PKD1L1: variants seen among roughly 807,000 people sequenced by gnomAD.
PKD1L1 encodes polycystin-1-like protein 1.
PKD1L1 carries 236 observed loss-of-function variants against 323.4 expected under a neutral mutation model. That is an observed-to-expected ratio of 0.73 (90% CI 0.66 to 0.81). The LOEUF is 0.81. PKD1L1 is among the 40% of genes least tolerant of loss of function. PKD1L1 has a pLI of 0.00. For missense variants in PKD1L1, 3,320 were observed against 3,508.0 expected, an observed-to-expected ratio of 0.95 and a Z score of 1.35; for synonymous variants, 1,344 against 1,335.0, an observed-to-expected ratio of 1.01 and a Z score of -0.15.
In PKD1L1 at chr7:47,818,829, T is replaced by C. The variant is rs78601269; in HGVS notation, c.6965+2247A>G. The stretch of plus-strand genomic sequence containing the variant: ...TATTTTTTGTTTTATTATTTTTTTT[T>C]GGAACTTCATGAAGTCTTTCATAAG... On this transcript the variant is annotated intron_variant, in intron 46 of 56. Transcript: ENST00000289672. Among the ~76,000 whole-genome samples, 497 of 152,364 alleles carry C rather than the reference T, an allele frequency of 3.3e-3. 3 individuals are homozygous for C. The highest frequency in any genetic ancestry group is 0.011 in the African/African-American group (459 of 41,584).
At chr7:47,777,267 A>G (rs1035706189) in intron 56 of PKD1L1, among the ~76,000 whole-genome samples, 4 of 152,262 alleles carry the variant, frequency 2.6e-5, no homozygotes, top group African/African-American at 9.6e-5. Context: ...TGATCAATTT[A>G]GGAATGAGTT....
rs1784521016 is a variant in PKD1L1, at chr7:47,796,096, A to C, written c.8248T>G (p.Ser2750Ala). The C allele has an allele frequency of 3.1e-6, 5 of 1,610,904 alleles. No individual in the cohort carries two copies. The change falls in exon 55 of 57, where the codon TCT becomes GCT. Residue 2750 changes from serine (S) to alanine (A), a missense_variant. Physicochemically the swap from Ser to Ala is moderately conservative, Grantham distance 99 (BLOSUM62 1). Coordinates refer to ENST00000289672, the MANE Select transcript of PKD1L1 (RefSeq NM_138295.5). ...GTGACATCTTTAAGTCTCACAAAAG[A>C]TTTACTTTGAAAAGATTTTCTTTTT... ...PQKRKSFQSK[S>A]FVRLKDVTAY...
intron 56 of PKD1L1, among the ~76,000 whole-genome samples, chr7:47,785,027 T>C (rs1366662957): frequency 6.6e-6 from 1 of 152,152 alleles, no homozygotes; most frequent in African/African-American, 2.4e-5. Context: ...GAGAAAGTCA[T>C]GAGAACTCAG....
At chr7:47,818,237 G>T in intron 46 of PKD1L1, 1 of 1,313,640 alleles carries the variant, frequency 7.6e-7, no homozygotes, top group Non-Finnish European at 1.0e-6. Flanking sequence ...CCAAAGGAAA[G>T]GAAGAATGAG....
At chr7:47,926,230 G>A (rs1787654625) in intron 7 of PKD1L1, among the ~76,000 whole-genome samples, 1 of 152,154 alleles carries the variant, frequency 6.6e-6, no homozygotes, top group Non-Finnish European at 1.5e-5. Flanking sequence ...AAAATCTTTG[G>A]TCTTCACCAC....
chr7:47,856,091 G>GCAGT lies in PKD1L1; in HGVS notation c.4591-830_4591-827dup, dbSNP rs1253907670. 2.6e-5 allele frequency among the ~76,000 whole-genome samples: 4 copies of GCAGT among 152,032 alleles called. No homozygotes were observed. In the South Asian group the frequency reaches 6.3e-4, roughly 24 times the overall value. On this transcript the variant is annotated intron_variant, in intron 28 of 56. Transcript: ENST00000289672. Reference sequence around the variant, plus strand: ...CTTGCTCTGTCGCCCAGGCTGGAGTGCAGTGGTGTGATCTCAGCTCACTGC... The same window carrying GCAGT: ...CTTGCTCTGTCGCCCAGGCTGGAGTGCAGTCAGTGGTGTGATCTCAGCTCACTGC...
chr7:47,849,604 T>C (rs1785737000), intron 31 of PKD1L1, among the ~76,000 whole-genome samples: 3 of 151,976 alleles, frequency 2.0e-5, no homozygotes, highest in Non-Finnish European at 4.4e-5. Context: ...CACTAAGTAA[T>C]AGGGAAATGC....
intron 20 of PKD1L1, 36 bp downstream of exon 20, chr7:47,881,873 A>G: frequency 3.3e-6 from 5 of 1,527,616 alleles, no homozygotes; most frequent in Non-Finnish European, 3.5e-6. Context: ...CTTCAGAAAC[A>G]CTGCAAATTG....
intron 26 of PKD1L1, among the ~76,000 whole-genome samples, chr7:47,864,576 T>TTTTCTTTCTTTCCTTCTTTC (rs1786107193): frequency 8.4e-5 from 9 of 107,520 alleles, no homozygotes; most frequent in African/African-American, 3.2e-4. Context: ...TTTTTCTTTC[T>TTTTCTTTCTTTCCTTCTTTC]TTTCTTTCTT....
intron 2 of PKD1L1, among the ~76,000 whole-genome samples, chr7:47,940,988 T>C (rs1279970835): frequency 6.6e-6 from 1 of 152,222 alleles, no homozygotes; most frequent in African/African-American, 2.4e-5. Context: ...CCATTCTCTC[T>C]ACTCATGCAG....
rs1212662812 is a variant in PKD1L1 at position 47,858,725 on chromosome 7, T to A, written c.4310A>T (p.Glu1437Val). ...WEVSEQENSK[E>V]EVYRHEEGIT... ...TCCTTCTTCATGTCGATAGACTTCC[T>A]CCTTCGAGTTTTCTTGCTCAGAGAC... is the stretch of plus-strand genomic sequence containing the variant. Residue 1437 changes from glutamate to valine, a missense_variant, in exon 27 of 57, where the codon GAG becomes GTG. Glu to Val is a moderately radical substitution (Grantham distance 121, BLOSUM62 -2). Coordinates refer to ENST00000289672, the MANE Select transcript of PKD1L1 (RefSeq NM_138295.5). The A allele has an allele frequency of 1.9e-6, 3 of 1,614,028 alleles. No individual in the cohort carries two copies. In the African/African-American group the frequency reaches 4.0e-5, roughly 22 times the overall value.
intron 26 of PKD1L1, among the ~76,000 whole-genome samples, chr7:47,864,282 A>G (rs1000762443): frequency 8.5e-5 from 13 of 152,286 alleles, no homozygotes; most frequent in Non-Finnish European, 1.8e-4. Flanking sequence ...CTGTGGTGAC[A>G]GAGCATGGCC....
chr7:47,796,922 T>C (rs567502920), intron 54 of PKD1L1, among the ~76,000 whole-genome samples: 89 of 145,962 alleles, frequency 6.1e-4, no homozygotes, highest in African/African-American at 2.2e-3. Context: ...ATGGCGTGAA[T>C]CCGGGAGGCG....
chr7:47,950,460 T>C (rs1227587844), upstream of PKD1L1, among the ~76,000 whole-genome samples: 1 of 152,198 alleles, frequency 6.6e-6, no homozygotes, highest in Non-Finnish European at 1.5e-5. Context: ...TCATAGCCAC[T>C]CTCATAGCCA....
intron 8 of PKD1L1, among the ~76,000 whole-genome samples, chr7:47,913,763 T>C (rs1583669584): frequency 6.6e-6 from 1 of 152,336 alleles, no homozygotes; most frequent in East Asian, 1.9e-4. Flanking sequence ...CTCTTTTCTT[T>C]ATAAATTATC....
intron 2 of PKD1L1, among the ~76,000 whole-genome samples, chr7:47,943,161 AAAATATATATATATATATATATAT>A (rs756779562): frequency 0.26 from 21,801 of 85,264 alleles, 2,676 homozygotes; most frequent in African/African-American, 0.46. Flanking sequence ...AAAAAAAAAA[AAAATATATATATATATATATATAT>A]ATATATATAT....
intron 21 of PKD1L1, 129 bp downstream of exon 21, chr7:47,880,599 T>C (rs981047848): frequency 3.9e-5 from 19 of 482,512 alleles, no homozygotes; most frequent in Non-Finnish European, 6.2e-5. Context: ...TATGTAATTT[T>C]TTAAAAAGGC....
At chr7:47,888,682 C>T (rs917937912) in intron 16 of PKD1L1, among the ~76,000 whole-genome samples, 6 of 152,250 alleles carry the variant, frequency 3.9e-5, no homozygotes, top group African/African-American at 1.4e-4. Context: ...CCGCCTCTTC[C>T]CTGTGCAGGG....
rs192588522 is a variant in PKD1L1 at position 47,809,877 on chromosome 7, G to A, written c.7582-300C>T. 6.3e-5 allele frequency: 16 copies of A among 255,522 alleles called. No individual in the cohort carries two copies. The Admixed American group carries it at 7.9e-4, about 13-fold the overall frequency. 15.8% of individuals were successfully genotyped at this position (255,522 alleles called of 1,614,324 possible). A position where few individuals can be genotyped will look rare whatever the true frequency, so the allele number is the denominator to read the frequency against. ...GGCATCTACGGCCACCAGGCCTCCCGACCTCCATGCTGATCCTCCAGTCCT... is the reference window on the plus strand; with the variant it reads ...GGCATCTACGGCCACCAGGCCTCCCAACCTCCATGCTGATCCTCCAGTCCT... On this transcript the variant is annotated intron_variant, in intron 50 of 56. Coordinates refer to ENST00000289672, the MANE Select transcript of PKD1L1 (RefSeq NM_138295.5).
Sources: allele counts gnomAD v4.1 joint callset (sites outside exome capture counted in the v4.1 genomes callset), GRCh38; gene constraint gnomAD v4.1.1; transcripts MANE v1.5; gene names NCBI Gene and HGNC (gene_info 2026-07-23, HGNC 2026-07-21).